Variants in CREM observed in about 807,000 individuals in gnomAD.
CREM encodes the protein cAMP-responsive element modulator.
A neutral mutation model predicts 37.3 loss-of-function variants in CREM; 13 were observed. The ratio of observed to expected loss-of-function variants is 0.35; its 90% CI spans 0.23 to 0.55. The LOEUF (loss-of-function observed/expected upper bound fraction) is 0.55. Ranked by LOEUF, CREM falls within the 20% of genes least tolerant of loss-of-function variation. CREM has a pLI of 0.88. For synonymous variants in CREM, 124 were observed against 120.2 expected (o/e 1.03, Z -0.21); for missense variants, 296 against 362.3 (o/e 0.82, Z 1.49).
intron 1 of CREM, among the ~76,000 whole-genome samples, chr10:35,134,723 A>G (rs920225194): frequency 1.1e-4 from 17 of 152,152 alleles, no homozygotes; most frequent in Non-Finnish European, 1.8e-4. Flanking sequence ...ATAGAAAGCT[A>G]TATATTGAAG....
At chr10:35,185,704 G>C (rs976397571) in intron 5 of CREM, among the ~76,000 whole-genome samples, 4 of 152,110 alleles carry the variant, frequency 2.6e-5, no homozygotes, top group Admixed American at 6.6e-5. Flanking sequence ...TTTAAAGTGT[G>C]TACAGAAAAT....
chr10:35,167,581 T>C (rs2093613997), intron 3 of CREM: 1 of 730,494 alleles, frequency 1.4e-6, no homozygotes, highest in South Asian at 1.8e-5. Flanking sequence ...AATCAAATGC[T>C]GTGTTACAAC....
intron 3 of CREM, chr10:35,175,577 T>A (rs1564881902): frequency 9.4e-6 from 12 of 1,275,184 alleles, no homozygotes; most frequent in South Asian, 2.5e-5. Flanking sequence ...TTTAACTGCT[T>A]TAGAACTTTG....
intron 5 of CREM, among the ~76,000 whole-genome samples, chr10:35,183,195 AACTC>A (rs1185405253): frequency 1.3e-5 from 2 of 152,062 alleles, no homozygotes; most frequent in African/African-American, 4.8e-5. Context: ...TTAGAGTATT[AACTC>A]ATCTTTCTGG....
intron 6 of CREM, among the ~76,000 whole-genome samples, chr10:35,193,966 G>A (rs972147742): frequency 5.3e-5 from 8 of 151,680 alleles, no homozygotes; most frequent in African/African-American, 1.9e-4. Flanking sequence ...CAGGCATGGT[G>A]GGCACCTGTA....
intron 2 of CREM, among the ~76,000 whole-genome samples, chr10:35,146,271 A>G (rs1052017983): frequency 6.6e-6 from 1 of 152,228 alleles, no homozygotes; most frequent in African/African-American, 2.4e-5. Flanking sequence ...GGTTTCCAAA[A>G]TACTCCTGCT....
At chr10:35,164,480 C>T (rs2093441679) in intron 3 of CREM, among the ~76,000 whole-genome samples, 1 of 152,204 alleles carries the variant, frequency 6.6e-6, no homozygotes, top group Non-Finnish European at 1.5e-5. Flanking sequence ...CAGGAGCTTG[C>T]TTAAAATTAT....
At chr10:35,149,394 G>A (rs1295060525) in intron 3 of CREM, among the ~76,000 whole-genome samples, 3 of 152,116 alleles carry the variant, frequency 2.0e-5, no homozygotes, top group Non-Finnish European at 2.9e-5. Flanking sequence ...GGGCAGTCCA[G>A]CTGGTAAAGG....
chr10:35,140,610 G>A (rs1179326185), intron 2 of CREM, among the ~76,000 whole-genome samples: 2 of 152,264 alleles, frequency 1.3e-5, no homozygotes, highest in Middle Eastern at 3.4e-3. Flanking sequence ...AGTTGCTCAC[G>A]CTGGTGTGTG....
At chr10:35,196,198 C>T in intron 6 of CREM, 2 of 1,203,796 alleles carry the variant, frequency 1.7e-6, no homozygotes. Context: ...CTTACTCCAT[C>T]CTCTTACTCC....
intron 3 of CREM, among the ~76,000 whole-genome samples, chr10:35,158,798 G>GTTTTTTTTTTTTTTTTTTTTTTTTTTTT (rs543961468): frequency 3.0e-5 from 3 of 100,840 alleles, no homozygotes; most frequent in South Asian, 3.5e-4. Flanking sequence ...CAAATATAGT[G>GTTTTTTTTTTTTTTTTTTTTTTTTTTTT]TTTTTTTTTT....
chr10:35,148,434 C>G lies in CREM; in HGVS notation c.111C>G (p.Ser37Arg), dbSNP rs2092332319. Residue 37 changes from serine to arginine, a missense_variant, in exon 3 of 8, where the codon AGC becomes AGG. Physicochemically the swap from Ser to Arg is moderately radical, Grantham distance 110. Around this residue, in one of 2 missense-constraint regions of CREM, gnomAD observed 257 missense variants for 280.2 expected, o/e 0.92. Coordinates refer to ENST00000685392, the MANE Select transcript of CREM (RefSeq NM_183011.2). ...GTATAACAGCTTCTTTGACAGAGAGCAAGTCTGCTCATGTGCAGACTCAGA... is the reference window on the plus strand; with the variant it reads ...GTATAACAGCTTCTTTGACAGAGAGGAAGTCTGCTCATGTGCAGACTCAGA... ...DGSITASLTE[S>R]KSAHVQTQTG... 1.2e-6 allele frequency: 2 copies of G among 1,613,448 alleles called. No homozygotes were observed. Among genetic ancestry groups the G allele is most frequent in the Non-Finnish European group, 1.7e-6 (2 of 1,179,678 alleles).
At chr10:35,204,716 T>C (rs1436244194) in intron 6 of CREM, among the ~76,000 whole-genome samples, 3 of 152,198 alleles carry the variant, frequency 2.0e-5, no homozygotes, top group Non-Finnish European at 4.4e-5. Context: ...TGAAAATCTT[T>C]AAGTGAGCTT....
intron 1 of CREM, among the ~76,000 whole-genome samples, chr10:35,129,359 T>C (rs1485993583): frequency 6.6e-6 from 1 of 152,250 alleles, no homozygotes; most frequent in Non-Finnish European, 1.5e-5. Context: ...TAATAGGCTG[T>C]ATTCCAGTTT....
At chr10:35,207,089 A>G in intron 7 of CREM, 38 bp downstream of exon 7, 1 of 1,584,946 alleles carries the variant, frequency 6.3e-7, no homozygotes, top group Non-Finnish European at 8.6e-7. Context: ...CTTCTAGGAC[A>G]CTTTTTAAAA....
intron 3 of CREM, among the ~76,000 whole-genome samples, chr10:35,175,030 C>T (rs1054552771): frequency 1.3e-5 from 2 of 152,230 alleles, no homozygotes; most frequent in Non-Finnish European, 2.9e-5. Flanking sequence ...GGAATTTCTT[C>T]GGCCTATGCC....
intron 3 of CREM, among the ~76,000 whole-genome samples, chr10:35,153,646 A>T (rs1262299195): frequency 1.3e-5 from 2 of 152,212 alleles, no homozygotes; most frequent in East Asian, 3.8e-4. Context: ...TCTGAAGTAT[A>T]ATTCTCCATA....
At chr10:35,189,452 A>G (rs751795109) in intron 6 of CREM, among the ~76,000 whole-genome samples, 14 of 152,000 alleles carry the variant, frequency 9.2e-5, no homozygotes, top group Non-Finnish European at 2.1e-4. Flanking sequence ...TTCGCTTAGG[A>G]TTTAGGATAT....
chr10:35,167,187 A>G (rs2093596575), intron 3 of CREM, among the ~76,000 whole-genome samples: 1 of 152,174 alleles, frequency 6.6e-6, no homozygotes, highest in African/African-American at 2.4e-5. Flanking sequence ...ATCTTTATTC[A>G]GGTATTTGAT....
Sources: gnomAD v4.1 joint callset for allele counts (sites outside exome capture counted in the v4.1 genomes callset) on GRCh38, gnomAD v4.1.1 for gene constraint, gnomAD v4.1.1 regional missense constraint, MANE v1.5 for transcripts, NCBI Gene and HGNC (gene_info 2026-07-23, HGNC 2026-07-21) for gene names.